The following MYO1B variants were observed in gnomAD, a reference collection of about 807,000 sequenced individuals.
The protein encoded by MYO1B is myosin IB.
Under a neutral mutation model 159.7 loss-of-function variants are expected in MYO1B, and 72 were observed. The observed-to-expected ratio is 0.45, with a 90% confidence interval of 0.37 to 0.55. The LOEUF is 0.55. Among genes scored for constraint, MYO1B ranks in the 20% least tolerant of loss-of-function variants. MYO1B has a pLI of 0.00. For synonymous variants in MYO1B, 468 were observed against 473.8 expected (o/e 0.99, Z 0.16); for missense variants, 1,062 against 1,364.8 (o/e 0.78, Z 3.50).
At chr2:191,338,471 G>A (rs548631613) in intron 4 of MYO1B, among the ~76,000 whole-genome samples, 2 of 152,154 alleles carry the variant, frequency 1.3e-5, no homozygotes, top group Non-Finnish European at 1.5e-5. Flanking sequence ...TAACAGCCAA[G>A]TGATGTAAGC....
At chr2:191,354,774 G>A (rs1693163587) in intron 7 of MYO1B, among the ~76,000 whole-genome samples, 1 of 152,166 alleles carries the variant, frequency 6.6e-6, no homozygotes, top group Non-Finnish European at 1.5e-5. Context: ...AAAGCATATG[G>A]CATGTCACTT....
intron 3 of MYO1B, among the ~76,000 whole-genome samples, chr2:191,321,061 C>T (rs1690679132): frequency 6.6e-6 from 1 of 152,110 alleles, no homozygotes; most frequent in South Asian, 2.1e-4. Context: ...AACATGAAAG[C>T]TTCACTTAAC....
chr2:191,360,043 C>T (rs1337624730), intron 7 of MYO1B, among the ~76,000 whole-genome samples: 6 of 152,194 alleles, frequency 3.9e-5, no homozygotes, highest in Admixed American at 3.3e-4. Context: ...ACAAACTCTA[C>T]GTTGCTTCTC....
intron 3 of MYO1B, among the ~76,000 whole-genome samples, chr2:191,317,913 T>C (rs1690456574): frequency 6.6e-6 from 1 of 152,228 alleles, no homozygotes; most frequent in South Asian, 2.1e-4. Context: ...TTGTAAATAG[T>C]TGGCAAGCAA....
chr2:191,251,843 AG>A (rs1403040358), intron 1 of MYO1B, among the ~76,000 whole-genome samples: 1 of 152,074 alleles, frequency 6.6e-6, no homozygotes, highest in Admixed American at 6.5e-5. Context: ...CACAACAAAA[AG>A]CTCCCCCAAA....
chr2:191,296,865 C>G (rs1559148314), intron 3 of MYO1B, among the ~76,000 whole-genome samples: 4 of 152,174 alleles, frequency 2.6e-5, no homozygotes, highest in African/African-American at 7.2e-5. Flanking sequence ...TATACCACTA[C>G]AATTTTGTTT....
intron 3 of MYO1B, among the ~76,000 whole-genome samples, chr2:191,314,974 T>C (rs1342833420): frequency 3.3e-5 from 5 of 152,222 alleles, no homozygotes; most frequent in Non-Finnish European, 7.3e-5. Flanking sequence ...CTGCTGAACC[T>C]GTGTGTGTCT....
At chr2:191,407,352 C>G (rs1373054441) in intron 24 of MYO1B, among the ~76,000 whole-genome samples, 2 of 152,132 alleles carry the variant, frequency 1.3e-5, no homozygotes, top group Non-Finnish European at 2.9e-5. Context: ...TAAATTCTAA[C>G]TCTCCCATTT....
intron 1 of MYO1B, among the ~76,000 whole-genome samples, chr2:191,248,577 T>TC (rs1471354892): frequency 6.6e-6 from 1 of 152,188 alleles, no homozygotes; most frequent in Admixed American, 6.5e-5. Context: ...TGATGGGGTA[T>TC]CGTACTACAT....
intron 19 of MYO1B, among the ~76,000 whole-genome samples, chr2:191,392,770 C>A (rs1295715787): frequency 6.6e-6 from 1 of 152,086 alleles, no homozygotes; most frequent in Non-Finnish European, 1.5e-5. Context: ...CATCTACCTT[C>A]CATTAGTAAT....
At chr2:191,309,736 T>A (rs1276213665) in intron 3 of MYO1B, among the ~76,000 whole-genome samples, 1 of 152,226 alleles carries the variant, frequency 6.6e-6, no homozygotes, top group Non-Finnish European at 1.5e-5. Flanking sequence ...GGAATAGCAA[T>A]CCCTGAAATA....
intron 21 of MYO1B, among the ~76,000 whole-genome samples, chr2:191,400,171 C>G (rs559031021): frequency 6.6e-6 from 1 of 152,116 alleles, no homozygotes; most frequent in Non-Finnish European, 1.5e-5. Flanking sequence ...GGCTGCTGTT[C>G]CAATCAAGTG....
Position 191,348,485 on chromosome 2 carries a change from A to G in MYO1B, c.499-1677A>G, listed in dbSNP as rs549250397. On this transcript the variant is annotated intron_variant, in intron 6 of 30. Coordinates refer to ENST00000392318, the MANE Select transcript of MYO1B (RefSeq NM_001130158.3). ...GGTCAACCTCTGACTCCTTTGACAG[A>G]GTAACCATTCTTTCCCTCCTTTGTA... Among the ~76,000 whole-genome samples the G allele has an allele frequency of 3.3e-5, 5 of 152,278 alleles. No individual in the cohort carries two copies. The South Asian group carries it at 1.0e-3, about 32-fold the overall frequency.
intron 11 of MYO1B, among the ~76,000 whole-genome samples, chr2:191,367,438 A>G (rs1220860357): frequency 1.3e-5 from 2 of 152,202 alleles, no homozygotes; most frequent in Non-Finnish European, 2.9e-5. Flanking sequence ...TCTAACCCCA[A>G]TAGAGAGAGC....
At chr2:191,348,057 T>G (rs1692680769) in intron 6 of MYO1B, among the ~76,000 whole-genome samples, 1 of 152,176 alleles carries the variant, frequency 6.6e-6, no homozygotes, top group African/African-American at 2.4e-5. Flanking sequence ...TTTGACATAT[T>G]GAGCTACGAG....
intron 1 of MYO1B, among the ~76,000 whole-genome samples, chr2:191,264,938 G>A (rs919369104): frequency 4.0e-4 from 61 of 152,128 alleles, no homozygotes; most frequent in Admixed American, 3.5e-3. Flanking sequence ...GAGGCTTGAA[G>A]GTGGCAGTGT....
At chr2:191,375,678 A>C (rs1206276451) in intron 13 of MYO1B, among the ~76,000 whole-genome samples, 1 of 152,146 alleles carries the variant, frequency 6.6e-6, no homozygotes, top group Admixed American at 6.6e-5. Flanking sequence ...AAGAATGTCC[A>C]AACTTGGCAC....
chr2:191,251,851 CA>C (rs977547124), intron 1 of MYO1B, among the ~76,000 whole-genome samples: 2 of 152,170 alleles, frequency 1.3e-5, no homozygotes, highest in African/African-American at 4.8e-5. Flanking sequence ...AAAGCTCCCC[CA>C]AAATACACAA....
At chr2:191,366,164 A>G (rs6740997) in intron 11 of MYO1B, among the ~76,000 whole-genome samples, 24,351 of 151,912 alleles carry the variant, frequency 0.16, 5,152 homozygotes, top group African/African-American at 0.48. Context: ...GTTTAAGAAG[A>G]CCCTTTAGGA....
Sources: gnomAD v4.1 joint callset for allele counts (sites outside exome capture counted in the v4.1 genomes callset) on GRCh38, gnomAD v4.1.1 for gene constraint, MANE v1.5 for transcripts, NCBI Gene and HGNC (gene_info 2026-07-23, HGNC 2026-07-21) for gene names.